The following COL4A2 variants were observed in gnomAD, a reference collection of about 807,000 sequenced individuals.
The protein encoded by COL4A2 is collagen type IV alpha 2 chain, also known as collagen alpha-2(IV) chain.
A neutral mutation model predicts 200.2 loss-of-function variants in COL4A2; 99 were observed. That is an observed-to-expected ratio of 0.49 (90% confidence interval 0.42 to 0.58). The LOEUF (loss-of-function observed/expected upper bound fraction) is 0.58, where lower values mean the gene tolerates loss of function less well. COL4A2 is among the 20% of genes least tolerant of loss of function. COL4A2 has a pLI of 0.00. For missense variants in COL4A2, 1,950 were observed against 2,314.1 expected (o/e 0.84, Z 3.23); for synonymous variants, 897 against 900.6 (o/e 1.00, Z 0.07).
intron 40 of COL4A2, among the ~76,000 whole-genome samples, chr13:110,495,834 C>T (rs888018549): frequency 2.6e-4 from 39 of 152,184 alleles, no homozygotes; most frequent in Admixed American, 9.2e-4. Flanking sequence ...AGCAGAGCCA[C>T]GCTGACCCAT....
chr13:110,492,768 C>G (rs1306819914), intron 38 of COL4A2, among the ~76,000 whole-genome samples: 5 of 152,220 alleles, frequency 3.3e-5, no homozygotes, highest in Non-Finnish European at 7.3e-5. Flanking sequence ...TCCCCAGGCC[C>G]CTTCTGGCCT....
chr13:110,376,232 G>A (rs1188192540), intron 4 of COL4A2, among the ~76,000 whole-genome samples: 1 of 152,126 alleles, frequency 6.6e-6, no homozygotes, highest in Non-Finnish European at 1.5e-5. Context: ...AGAAGAACTA[G>A]GTAAGGTATA....
chr13:110,317,571 T>C (rs1318809097), intron 3 of COL4A2, among the ~76,000 whole-genome samples: 1 of 152,112 alleles, frequency 6.6e-6, no homozygotes, highest in East Asian at 1.9e-4. Context: ...TCATGAACTC[T>C]GAAAAGTAAA....
chr13:110,393,283 G>C (rs986026645), intron 4 of COL4A2, among the ~76,000 whole-genome samples: 23 of 152,212 alleles, frequency 1.5e-4, no homozygotes, highest in African/African-American at 5.3e-4. Flanking sequence ...ATATAAAACT[G>C]AACCTTTCGC....
intron 14 of COL4A2, among the ~76,000 whole-genome samples, 158 bp downstream of exon 14, chr13:110,438,195 T>A (rs192560904): frequency 6.6e-6 from 1 of 152,238 alleles, no homozygotes; most frequent in Non-Finnish European, 1.5e-5. Flanking sequence ...ATTTTTACAC[T>A]GTATTTTAAG....
intron 3 of COL4A2, among the ~76,000 whole-genome samples, chr13:110,344,498 T>C (rs1184295481): frequency 6.6e-6 from 1 of 152,228 alleles, no homozygotes; most frequent in Admixed American, 6.5e-5. Flanking sequence ...AAGAGAATGA[T>C]GTCAGTATGA....
chr13:110,491,824 G>A (rs1039446830), intron 37 of COL4A2, among the ~76,000 whole-genome samples: 1 of 152,168 alleles, frequency 6.6e-6, no homozygotes, highest in Non-Finnish European at 1.5e-5. Context: ...ATAATAGGGC[G>A]ACAATTAAAA....
chr13:110,398,672 G>A (rs959954512), intron 4 of COL4A2, among the ~76,000 whole-genome samples: 1 of 151,940 alleles, frequency 6.6e-6, no homozygotes, highest in Non-Finnish European at 1.5e-5. Context: ...CAGTCTAGGT[G>A]ACAGAGTGAG....
chr13:110,508,434 G>A lies in COL4A2; in HGVS notation c.4881+213G>A. ...CACAGGGCTTCCTCCACCCAGAAAGGGCTCATTAATTTGCCACCAGGCCTT... is the reference window on the plus strand; with the variant it reads ...CACAGGGCTTCCTCCACCCAGAAAGAGCTCATTAATTTGCCACCAGGCCTT... On this transcript the variant is annotated intron_variant, in intron 47 of 47. Coordinates refer to ENST00000360467, the MANE Select transcript of COL4A2 (RefSeq NM_001846.4). This position sits in a 1 kb window ranked among gnomAD's most constrained non-coding sequence, Gnocchi z 6.1. 3.9e-6 allele frequency: 3 copies of A among 764,836 alleles called. No homozygotes were observed. In the South Asian group the frequency reaches 5.6e-5, roughly 14 times the overall value. The allele number at this position is 764,836 out of a possible 1,614,324, so 47.4% of individuals were successfully genotyped here. A position where few individuals can be genotyped will look rare whatever the true frequency, so the allele number is the denominator to read the frequency against.
chr13:110,373,852 G>C (rs1054329681), intron 4 of COL4A2, among the ~76,000 whole-genome samples: 6 of 152,178 alleles, frequency 3.9e-5, no homozygotes, highest in Non-Finnish European at 5.9e-5. Flanking sequence ...AGTTAATCGG[G>C]CACATGCCAA....
rs986080274 is a variant in COL4A2, at chr13:110,505,315, A to C, written c.4402+1051A>C. ...CAATGAGCCAAGATCGCGCCACTGCACTCCAGCCTGGGGGACAGAGCGAGA... is the reference window on the plus strand; with the variant it reads ...CAATGAGCCAAGATCGCGCCACTGCCCTCCAGCCTGGGGGACAGAGCGAGA... On this transcript the variant is annotated intron_variant, in intron 45 of 47. Coordinates refer to ENST00000360467, the MANE Select transcript of COL4A2 (RefSeq NM_001846.4). 2.6e-4 allele frequency among the ~76,000 whole-genome samples: 40 copies of C among 152,052 alleles called. 1 individual carries two copies. Among genetic ancestry groups the C allele is most frequent in the Admixed American group, 2.2e-3 (34 of 15,274 alleles).
intron 31 of COL4A2, among the ~76,000 whole-genome samples, chr13:110,481,919 C>CA (rs1566559787): frequency 1.6e-4 from 8 of 50,398 alleles, no homozygotes; most frequent in Non-Finnish European, 2.4e-4. Context: ...TCTGTCCCTC[C>CA]GTGCTGGAGA....
intron 12 of COL4A2, 182 bp from the exon 13 acceptor site, chr13:110,436,087 G>A (rs1003972376): frequency 2.3e-6 from 2 of 855,246 alleles, no homozygotes; most frequent in Non-Finnish European, 3.8e-6. Flanking sequence ...ATGAAAGGAG[G>A]ATATAAAAAA....
intron 4 of COL4A2, among the ~76,000 whole-genome samples, chr13:110,398,591 G>A (rs1879261373): frequency 6.6e-6 from 1 of 152,200 alleles, no homozygotes; most frequent in Admixed American, 6.5e-5. Context: ...TACTTGGGAG[G>A]CTGAAGCAGG....
At chr13:110,419,910 C>T (rs1880183141) in intron 4 of COL4A2, among the ~76,000 whole-genome samples, 1 of 152,266 alleles carries the variant, frequency 6.6e-6, no homozygotes, top group African/African-American at 2.4e-5. Flanking sequence ...CCAGACCTTT[C>T]TACTGAGCCC....
At position 110,491,307 on chromosome 13, in the gene COL4A2, G is replaced by A. The variant is rs376907041; in HGVS notation, c.3421G>A (p.Val1141Ile). Residue 1141 changes from valine (V) to isoleucine (I), a missense_variant, in exon 37 of 48, where the codon GTC becomes ATC. Coordinates refer to ENST00000360467, the MANE Select transcript of COL4A2 (RefSeq NM_001846.4). ...GFPGITGVTG[V>I]QGPPGLKGQT... Reference sequence around the variant, plus strand: ...CCCTGGGATAACAGGCGTGACTGGAGTCCAAGGCCCTCCTGGACTTAAAGG... The same window carrying A: ...CCCTGGGATAACAGGCGTGACTGGAATCCAAGGCCCTCCTGGACTTAAAGG... 15 of 1,596,052 alleles carry A rather than the reference G, an allele frequency of 9.4e-6. No homozygotes were observed. The African/African-American group carries it at 1.6e-4, about 17-fold the overall frequency.
At chr13:110,356,069 GGAA>G (rs979685021) in intron 3 of COL4A2, among the ~76,000 whole-genome samples, 3 of 142,134 alleles carry the variant, frequency 2.1e-5, no homozygotes, top group African/African-American at 7.6e-5. Flanking sequence ...CGATTTGAAA[GGAA>G]GAGCTAAGGT....
At chr13:110,330,554 A>G (rs758708619) in intron 3 of COL4A2, among the ~76,000 whole-genome samples, 4 of 152,198 alleles carry the variant, frequency 2.6e-5, no homozygotes, top group Non-Finnish European at 5.9e-5. Flanking sequence ...TCCTCAGGCC[A>G]GTATTTCTGG....
At position 110,416,512 on chromosome 13, in the gene COL4A2, A is replaced by G. The variant is rs548847616; in HGVS notation, c.181-8222A>G. On this transcript the variant is annotated intron_variant, in intron 4 of 47. Coordinates refer to ENST00000360467, the MANE Select transcript of COL4A2 (RefSeq NM_001846.4). The stretch of plus-strand genomic sequence containing the variant: ...CCCAGAAAATCAACTTTTCCAACAC[A>G]TGCCAGGCAAAATCATATCCAGAAT... Among the ~76,000 whole-genome samples, 13 of 152,366 alleles carry G rather than the reference A, an allele frequency of 8.5e-5. No individual in the cohort carries two copies. In the South Asian group the frequency reaches 2.5e-3, roughly 29 times the overall value.
Sources: allele counts gnomAD v4.1 joint callset (sites outside exome capture counted in the v4.1 genomes callset), GRCh38; gene constraint gnomAD v4.1.1; non-coding constraint Gnocchi (gnomAD v3.1); transcripts MANE v1.5; gene names NCBI Gene and HGNC (gene_info 2026-07-23, HGNC 2026-07-21).